ATP2B2: variants seen among roughly 807,000 people sequenced by gnomAD.
The protein encoded by ATP2B2 is plasma membrane calcium-transporting ATPase 2.
ATP2B2 carries 15 observed loss-of-function variants against 120.0 expected under a neutral mutation model. The ratio of observed to expected loss-of-function variants is 0.12; its 90% CI spans 0.08 to 0.19. The LOEUF is 0.19. Ranked by LOEUF, ATP2B2 falls within the 10% of genes least tolerant of loss-of-function variation. The pLI is 1.00. For missense variants in ATP2B2, 1,045 were observed against 1,719.8 expected, an observed-to-expected ratio of 0.61 and a Z score of 6.94; for synonymous variants, 694 against 700.3, an observed-to-expected ratio of 0.99 and a Z score of 0.14.
intron 2 of ATP2B2, among the ~76,000 whole-genome samples, chr3:10,617,500 C>T (rs79499988): frequency 0.023 from 3,450 of 152,330 alleles, 79 homozygotes; most frequent in African/African-American, 0.063. Context: ...GAGGTGGCCT[C>T]GCTGTTTGCT....
intron 1 of ATP2B2, among the ~76,000 whole-genome samples, chr3:10,473,165 G>C (rs1389607248): frequency 6.6e-6 from 1 of 152,100 alleles, no homozygotes; most frequent in Non-Finnish European, 1.5e-5. Context: ...TCCTCTATTT[G>C]CATTGTCCTT....
intron 2 of ATP2B2, 69 bp from the exon 3 acceptor site, chr3:10,410,884 G>A: frequency 6.5e-7 from 1 of 1,549,746 alleles, no homozygotes; most frequent in Middle Eastern, 2.2e-4. Context: ...GGGAATCTAG[G>A]GGCAGAAAAG....
intron 13 of ATP2B2, 35 bp downstream of exon 13, chr3:10,359,847 C>T (rs953582633): frequency 6.2e-7 from 1 of 1,613,722 alleles, no homozygotes; most frequent in African/African-American, 1.3e-5. Flanking sequence ...CACCAGGGCA[C>T]AGCCCTCAGC....
At chr3:10,426,294 C>T (rs762695657) in intron 2 of ATP2B2, among the ~76,000 whole-genome samples, 5 of 152,084 alleles carry the variant, frequency 3.3e-5, no homozygotes, top group Non-Finnish European at 7.4e-5. Context: ...GCTTCATTCC[C>T]TTGCTGACTC....
intron 14 of ATP2B2, among the ~76,000 whole-genome samples, chr3:10,354,089 C>T (rs2060648847): frequency 2.0e-5 from 3 of 152,220 alleles, no homozygotes. Context: ...GCCCTTCCTC[C>T]CTTAGCCTCT....
intron 2 of ATP2B2, among the ~76,000 whole-genome samples, chr3:10,616,163 C>T (rs772239760): frequency 1.3e-5 from 2 of 152,178 alleles, no homozygotes; most frequent in African/African-American, 2.4e-5. Flanking sequence ...ATTGTGTCCC[C>T]CAAATTCATA....
At chr3:10,575,117 C>T (rs928183657) in intron 2 of ATP2B2, among the ~76,000 whole-genome samples, 4 of 152,148 alleles carry the variant, frequency 2.6e-5, no homozygotes, top group South Asian at 2.1e-4. Flanking sequence ...ACAGCCTTTC[C>T]GCCCGGGGGA....
intron 2 of ATP2B2, among the ~76,000 whole-genome samples, chr3:10,447,261 T>C (rs1207017424): frequency 6.6e-6 from 1 of 152,210 alleles, no homozygotes; most frequent in East Asian, 1.9e-4. Flanking sequence ...AGAGAGCAGA[T>C]AGGGTTCCTG....
chr3:10,564,550 C>G (rs918676637), intron 2 of ATP2B2, among the ~76,000 whole-genome samples: 1 of 152,210 alleles, frequency 6.6e-6, no homozygotes, highest in Non-Finnish European at 1.5e-5. Flanking sequence ...CCCCTCCCCT[C>G]TCCCCTACAG....
At chr3:10,550,730 C>A (rs973058356) in intron 2 of ATP2B2, among the ~76,000 whole-genome samples, 2 of 152,160 alleles carry the variant, frequency 1.3e-5, no homozygotes, top group South Asian at 4.1e-4. Context: ...CTGATTATAG[C>A]AAGGATCAAT....
At chr3:10,390,803 C>A (rs1468398871) in intron 5 of ATP2B2, among the ~76,000 whole-genome samples, 1 of 152,124 alleles carries the variant, frequency 6.6e-6, no homozygotes, top group Non-Finnish European at 1.5e-5. Flanking sequence ...CAGACATTGG[C>A]TCTAGGCTGA....
At chr3:10,678,816 C>A (rs1383362603) in intron 1 of ATP2B2, among the ~76,000 whole-genome samples, 1 of 152,144 alleles carries the variant, frequency 6.6e-6, no homozygotes, top group Non-Finnish European at 1.5e-5. Context: ...GGTGTACATA[C>A]CCTAAAAATC....
At chr3:10,521,891 AG>A (rs1235895417) in intron 3 of ATP2B2, among the ~76,000 whole-genome samples, 1 of 152,352 alleles carries the variant, frequency 6.6e-6, no homozygotes, top group South Asian at 2.1e-4. Flanking sequence ...AGGCAATATT[AG>A]CCCATTTACA....
At chr3:10,556,471 G>A (rs888891789) in intron 2 of ATP2B2, among the ~76,000 whole-genome samples, 1 of 152,230 alleles carries the variant, frequency 6.6e-6, no homozygotes, top group African/African-American at 2.4e-5. Flanking sequence ...GAAGCACAAG[G>A]CAGGGCGAGT....
At chr3:10,567,392 A>G (rs2068032239) in intron 2 of ATP2B2, among the ~76,000 whole-genome samples, 1 of 152,256 alleles carries the variant, frequency 6.6e-6, no homozygotes, top group Non-Finnish European at 1.5e-5. Context: ...GTTAGGAGAC[A>G]GGCAAATCTA....
chr3:10,472,257 C>T (rs2065045381), intron 1 of ATP2B2, among the ~76,000 whole-genome samples: 1 of 152,152 alleles, frequency 6.6e-6, no homozygotes, highest in South Asian at 2.1e-4. Context: ...AGCTCTGAGC[C>T]TGCCCTCTTG....
chr3:10,529,038 A>G (rs1481773317), intron 3 of ATP2B2, among the ~76,000 whole-genome samples: 1 of 152,212 alleles, frequency 6.6e-6, no homozygotes, highest in Non-Finnish European at 1.5e-5. Context: ...CTCTCTGGGC[A>G]TCCCAGCCAA....
At chr3:10,447,920 G>A (rs936459653) in intron 2 of ATP2B2, among the ~76,000 whole-genome samples, 4 of 152,250 alleles carry the variant, frequency 2.6e-5, no homozygotes, top group Admixed American at 6.5e-5. Flanking sequence ...TGGGCAAAAT[G>A]TCAGTGAGAA....
chr3:10,500,925 A>T (rs1379494540), intron 1 of ATP2B2, among the ~76,000 whole-genome samples: 2 of 152,216 alleles, frequency 1.3e-5, no homozygotes, highest in East Asian at 3.8e-4. Flanking sequence ...GCCCTCACCA[A>T]GGACACTGGG....
Sources: gnomAD v4.1 joint callset for allele counts (sites outside exome capture counted in the v4.1 genomes callset) on GRCh38, gnomAD v4.1.1 for gene constraint, MANE v1.5 for transcripts, NCBI Gene and HGNC (gene_info 2026-07-23, HGNC 2026-07-21) for gene names.